Variants in HECW1 observed in about 807,000 individuals in gnomAD.
The protein encoded by HECW1 is HECT, C2 and WW domain containing E3 ubiquitin protein ligase 1, also known as E3 ubiquitin-protein ligase HECW1.
Under a neutral mutation model 182.3 loss-of-function variants are expected in HECW1, and 61 were observed. That is an observed-to-expected ratio of 0.33 (90% CI 0.27 to 0.41). The LOEUF is 0.41. Ranked by LOEUF, HECW1 falls within the 10% of genes least tolerant of loss-of-function variation. HECW1 has a pLI of 1.00. For missense variants in HECW1, 1,739 were observed against 2,108.9 expected (o/e 0.82, Z 3.44); for synonymous variants, 859 against 832.6 (o/e 1.03, Z -0.55).
At chr7:43,127,504 C>T (rs1443270477) in intron 2 of HECW1, among the ~76,000 whole-genome samples, 2 of 86,934 alleles carry the variant, frequency 2.3e-5, no homozygotes, top group Non-Finnish European at 4.1e-5. Flanking sequence ...GCCTGGGCAA[C>T]AAGAGTGAAA....
intron 3 of HECW1, among the ~76,000 whole-genome samples, chr7:43,264,680 TA>T (rs749972933): frequency 6.6e-6 from 1 of 151,852 alleles, no homozygotes; most frequent in Non-Finnish European, 1.5e-5. Context: ...CCGTCTCTAC[TA>T]AAAATACAAA....
intron 23 of HECW1, among the ~76,000 whole-genome samples, chr7:43,508,542 C>T (rs915559087): frequency 1.3e-5 from 2 of 152,148 alleles, no homozygotes; most frequent in African/African-American, 4.8e-5. Context: ...TGTAGGAAGG[C>T]GTATCAAAAT....
intron 28 of HECW1, 79 bp from the exon 29 acceptor site, chr7:43,554,513 T>G: frequency 1.7e-6 from 2 of 1,209,878 alleles, no homozygotes; most frequent in African/African-American, 1.5e-5. Flanking sequence ...ATACCTGATG[T>G]GTTTGATCTC....
chr7:43,132,721 C>T (rs1402117870), intron 2 of HECW1, among the ~76,000 whole-genome samples: 1 of 152,100 alleles, frequency 6.6e-6, no homozygotes, highest in Admixed American at 6.6e-5. Context: ...AGTGCTTACA[C>T]TTTTCTTTAA....
At chr7:43,401,586 T>TCC (rs1203244224) in intron 7 of HECW1, among the ~76,000 whole-genome samples, 78 of 143,910 alleles carry the variant, frequency 5.4e-4, no homozygotes, top group Middle Eastern at 3.5e-3. Context: ...TTTTTTTTTT[T>TCC]CCCCCAAATA....
chr7:43,420,763 C>T (rs1299265804), intron 8 of HECW1, among the ~76,000 whole-genome samples: 1 of 152,160 alleles, frequency 6.6e-6, no homozygotes, highest in Non-Finnish European at 1.5e-5. Flanking sequence ...TATGGTTACA[C>T]CGTGCACTAC....
intron 17 of HECW1, among the ~76,000 whole-genome samples, chr7:43,490,054 T>A (rs1057194152): frequency 1.2e-4 from 19 of 152,202 alleles, no homozygotes; most frequent in African/African-American, 4.3e-4. Flanking sequence ...TTACATTAAA[T>A]TAAACTTGGC....
intron 2 of HECW1, among the ~76,000 whole-genome samples, chr7:43,145,731 T>A (rs1460558854): frequency 6.6e-6 from 1 of 152,200 alleles, no homozygotes; most frequent in Non-Finnish European, 1.5e-5. Flanking sequence ...GTTGCCCAAG[T>A]GTTATCCAGA....
At chr7:43,519,251 A>AC (rs1463619658) in intron 24 of HECW1, among the ~76,000 whole-genome samples, 5 of 151,484 alleles carry the variant, frequency 3.3e-5, no homozygotes, top group African/African-American at 7.3e-5. Context: ...TAGAGTGCAG[A>AC]CTTTTTTTTT....
intron 24 of HECW1, among the ~76,000 whole-genome samples, chr7:43,534,628 A>G (rs1280157442): frequency 2.6e-5 from 4 of 152,220 alleles, no homozygotes; most frequent in Non-Finnish European, 5.9e-5. Context: ...AAATGGTATA[A>G]GACATTTCAG....
In HECW1 at chr7:43,275,109, A is replaced by G. The variant is rs568144803; in HGVS notation, c.27+31177A>G. Among the ~76,000 whole-genome samples the G allele has an allele frequency of 9.5e-4, 144 of 152,308 alleles. 1 individual carries two copies. The highest frequency in any genetic ancestry group is 3.7e-3 in the South Asian group (18 of 4,826). The stretch of plus-strand genomic sequence containing the variant: ...CAGAAATTGGTGCAAGGAATAAGCT[A>G]TACAGATGTTCATTTGCAGCATTAT... On this transcript the variant is annotated intron_variant, in intron 3 of 29. Coordinates refer to ENST00000395891, the MANE Select transcript of HECW1 (RefSeq NM_015052.5).
At position 43,363,969 on chromosome 7, in the gene HECW1, C is replaced by T. The variant is rs201243211; in HGVS notation, c.555+2989C>T. 4.6e-5 allele frequency among the ~76,000 whole-genome samples: 7 copies of T among 152,314 alleles called. No homozygotes were observed. The East Asian group carries it at 7.7e-4, about 17-fold the overall frequency. ...GCAGTCTCGTCTGGGGACTTGAGCA[C>T]ACAGTTTCTAAGGGGAAATGCTGTG... On this transcript the variant is annotated intron_variant, in intron 6 of 29. Transcript: ENST00000395891.
At chr7:43,442,204 G>C (rs867995967) in intron 9 of HECW1, among the ~76,000 whole-genome samples, 2 of 152,286 alleles carry the variant, frequency 1.3e-5, no homozygotes, top group Middle Eastern at 6.8e-3. Flanking sequence ...ACATGATTTT[G>C]CATACTTGTA....
At chr7:43,308,040 TG>T in intron 3 of HECW1, among the ~76,000 whole-genome samples, 1 of 111,076 alleles carries the variant, frequency 9.0e-6, no homozygotes, top group East Asian at 2.2e-4. Flanking sequence ...TATATTATAT[TG>T]TATTATATAT....
intron 5 of HECW1, among the ~76,000 whole-genome samples, chr7:43,334,833 C>T (rs1186896857): frequency 6.6e-6 from 1 of 152,182 alleles, no homozygotes; most frequent in Non-Finnish European, 1.5e-5. Flanking sequence ...ATAGTCTACC[C>T]TCTACCAGAG....
chr7:43,555,337 G>A (rs1178827180), intron 29 of HECW1, among the ~76,000 whole-genome samples: 1 of 152,122 alleles, frequency 6.6e-6, no homozygotes, highest in Non-Finnish European at 1.5e-5. Context: ...AGGAGACGCT[G>A]GGGCTCCAGG....
chr7:43,532,341 C>A (rs1182682049), intron 24 of HECW1, among the ~76,000 whole-genome samples: 1 of 152,158 alleles, frequency 6.6e-6, no homozygotes, highest in Admixed American at 6.5e-5. Context: ...CAGGCCTCTG[C>A]CTTCACTCTT....
chr7:43,333,836 C>A (rs1811796428), intron 5 of HECW1, among the ~76,000 whole-genome samples: 1 of 152,152 alleles, frequency 6.6e-6, no homozygotes, highest in African/African-American at 2.4e-5. Context: ...ACTGACCTAT[C>A]TACCTTCCCC....
At chr7:43,158,012 A>G (rs1790081567) in intron 2 of HECW1, among the ~76,000 whole-genome samples, 1 of 152,198 alleles carries the variant, frequency 6.6e-6, no homozygotes, top group African/African-American at 2.4e-5. Flanking sequence ...TCTTAGCTTT[A>G]ATTTCCTTAT....
Sources: allele counts gnomAD v4.1 joint callset (sites outside exome capture counted in the v4.1 genomes callset), GRCh38; gene constraint gnomAD v4.1.1; transcripts MANE v1.5; gene names NCBI Gene and HGNC (gene_info 2026-07-23, HGNC 2026-07-21).